SGIP1: variants seen among roughly 807,000 people sequenced by gnomAD.
The protein encoded by SGIP1 is SH3GL interacting endocytic adaptor 1.
In SGIP1, 38 loss-of-function variants were observed where a neutral mutation model predicts 107.5. The ratio of observed to expected loss-of-function variants is 0.35; its 90% CI spans 0.27 to 0.46. The LOEUF (loss-of-function observed/expected upper bound fraction) is 0.46, where lower values mean the gene tolerates loss of function less well. Among genes scored for constraint, SGIP1 ranks in the 20% least tolerant of loss-of-function variants. The pLI is 1.00. For synonymous variants in SGIP1, 365 were observed against 366.1 expected (o/e 1.00, Z 0.03); for missense variants, 929 against 1,019.5 (o/e 0.91, Z 1.21).
At chr1:66,716,548 A>G (rs1228804808) in intron 18 of SGIP1, among the ~76,000 whole-genome samples, 2 of 152,230 alleles carry the variant, frequency 1.3e-5, no homozygotes, top group South Asian at 2.1e-4. Context: ...TGTAAAATGA[A>G]GACAATACTT....
intron 1 of SGIP1, among the ~76,000 whole-genome samples, chr1:66,612,784 G>C (rs1026737849): frequency 6.6e-6 from 1 of 152,174 alleles, no homozygotes; most frequent in Non-Finnish European, 1.5e-5. Context: ...GTGAGGATTT[G>C]AGTTCAGGAA....
intron 15 of SGIP1, among the ~76,000 whole-genome samples, chr1:66,688,109 G>C (rs997879750): frequency 6.6e-6 from 1 of 152,058 alleles, no homozygotes; most frequent in Non-Finnish European, 1.5e-5. Flanking sequence ...AGGTGGTAAG[G>C]GGGTGGCAGG....
At chr1:66,712,947 T>G (rs2150361660) in intron 18 of SGIP1, among the ~76,000 whole-genome samples, 2 of 152,204 alleles carry the variant, frequency 1.3e-5, no homozygotes, top group South Asian at 4.2e-4. Flanking sequence ...CTGGAGATGC[T>G]TTTTTGTCGG....
chr1:66,603,203 C>T (rs2066198363), intron 1 of SGIP1, among the ~76,000 whole-genome samples: 1 of 152,118 alleles, frequency 6.6e-6, no homozygotes, highest in Admixed American at 6.5e-5. Flanking sequence ...AAGGTATTAA[C>T]AGTTTCTCAG....
chr1:66,650,334 T>A (rs1013380727), intron 7 of SGIP1, among the ~76,000 whole-genome samples: 6 of 152,198 alleles, frequency 3.9e-5, no homozygotes, highest in African/African-American at 1.2e-4. Context: ...TCATTGTGCA[T>A]CATGGATAAT....
chr1:66,611,984 G>A (rs1293051545), intron 1 of SGIP1, among the ~76,000 whole-genome samples: 2 of 152,130 alleles, frequency 1.3e-5, no homozygotes, highest in East Asian at 1.9e-4. Context: ...TAGTCCACTT[G>A]TGTTGCTATA....
chr1:66,666,711 G>C (rs1237320676), intron 8 of SGIP1: 2 of 152,190 alleles, frequency 1.3e-5, no homozygotes, highest in East Asian at 3.9e-4. Context: ...TGAATTCTTA[G>C]GTATTTTATT....
At chr1:66,657,501 T>G (rs757353846) in intron 7 of SGIP1, among the ~76,000 whole-genome samples, 1 of 152,216 alleles carries the variant, frequency 6.6e-6, no homozygotes, top group Non-Finnish European at 1.5e-5. Context: ...TAACCCCTCA[T>G]GCAAAAATGT....
intron 1 of SGIP1, among the ~76,000 whole-genome samples, chr1:66,542,245 G>T (rs898305372): frequency 6.6e-6 from 1 of 151,968 alleles, no homozygotes; most frequent in Non-Finnish European, 1.5e-5. Flanking sequence ...CTATGGTAAA[G>T]TTAATTTGTA....
At chr1:66,663,554 C>T (rs1161331224) in intron 8 of SGIP1, among the ~76,000 whole-genome samples, 1 of 152,038 alleles carries the variant, frequency 6.6e-6, no homozygotes, top group Non-Finnish European at 1.5e-5. Flanking sequence ...TCCATTTGCT[C>T]CTGGAATTAT....
intron 1 of SGIP1, among the ~76,000 whole-genome samples, chr1:66,562,324 A>G (rs184766864): frequency 1.2e-3 from 187 of 152,164 alleles, no homozygotes; most frequent in Non-Finnish European, 2.4e-3. Flanking sequence ...TTTTAAAAGA[A>G]GAATATTTGC....
intron 1 of SGIP1, among the ~76,000 whole-genome samples, chr1:66,587,679 T>G (rs576641091): frequency 2.5e-4 from 38 of 152,238 alleles, no homozygotes; most frequent in African/African-American, 8.9e-4. Context: ...TAATTCTAGT[T>G]GACATTACCT....
intron 1 of SGIP1, among the ~76,000 whole-genome samples, chr1:66,563,863 T>C (rs2059293771): frequency 6.6e-6 from 1 of 152,012 alleles, no homozygotes; most frequent in African/African-American, 2.4e-5. Context: ...GATGAATGTC[T>C]CTTCCTTAAC....
intron 1 of SGIP1, among the ~76,000 whole-genome samples, chr1:66,583,051 G>T (rs911843183): frequency 2.6e-5 from 4 of 151,624 alleles, no homozygotes; most frequent in African/African-American, 9.7e-5. Context: ...TGATGTGTTT[G>T]ACATCAATTG....
intron 7 of SGIP1, chr1:66,644,100 CT>C (rs1484882150): frequency 1.3e-5 from 2 of 153,300 alleles, no homozygotes; most frequent in Non-Finnish European, 2.9e-5. Context: ...TCTTAGTTTC[CT>C]TTTTTATGAT....
At chr1:66,625,448 A>G (rs2072430602) in intron 1 of SGIP1, among the ~76,000 whole-genome samples, 2 of 152,354 alleles carry the variant, frequency 1.3e-5, no homozygotes, top group Admixed American at 6.5e-5. Context: ...GGGCCACATG[A>G]TCCATGTCTT....
At chr1:66,605,096 G>A (rs1335154050) in intron 1 of SGIP1, among the ~76,000 whole-genome samples, 1 of 152,106 alleles carries the variant, frequency 6.6e-6, no homozygotes, top group Non-Finnish European at 1.5e-5. Flanking sequence ...CTTCCCAGGG[G>A]CTTTCAACAT....
At chr1:66,673,148 T>C in intron 11 of SGIP1, 133 bp from the exon 12 acceptor site, 1 of 835,058 alleles carries the variant, frequency 1.2e-6, no homozygotes, top group Non-Finnish European at 2.0e-6. Context: ...GGGGCTTGTA[T>C]ACACATGCAT....
intron 1 of SGIP1, among the ~76,000 whole-genome samples, chr1:66,602,682 TA>T (rs931597842): frequency 1.3e-5 from 2 of 151,958 alleles, no homozygotes; most frequent in African/African-American, 4.8e-5. Flanking sequence ...ATACTGTATG[TA>T]AAAGCCCCAA....
Sources: gnomAD v4.1 joint callset for allele counts (sites outside exome capture counted in the v4.1 genomes callset) on GRCh38, gnomAD v4.1.1 for gene constraint, MANE v1.5 for transcripts, NCBI Gene and HGNC (gene_info 2026-07-23, HGNC 2026-07-21) for gene names.